PLD5: variants seen among roughly 807,000 people sequenced by gnomAD.
PLD5 encodes phospholipase D family member 5.
In PLD5, 36 loss-of-function variants were observed where a neutral mutation model predicts 61.1. That is an observed-to-expected ratio of 0.59 (90% confidence interval 0.45 to 0.78). The LOEUF is 0.78. Among genes scored for constraint, PLD5 ranks in the 30% least tolerant of loss-of-function variants. The pLI, the probability that PLD5 is intolerant of heterozygous loss-of-function variation, is 0.00. For synonymous variants in PLD5, 243 were observed against 242.8 expected, an observed-to-expected ratio of 1.00 and a Z score of -0.01; for missense variants, 515 against 644.4, an observed-to-expected ratio of 0.80 and a Z score of 2.17.
At chr1:242,506,018 T>C (rs989736485) in intron 1 of PLD5, among the ~76,000 whole-genome samples, 3 of 152,212 alleles carry the variant, frequency 2.0e-5, no homozygotes, top group Non-Finnish European at 4.4e-5. Flanking sequence ...TCTTAAAAAC[T>C]TATGAGAAAT....
At chr1:242,242,330 C>T (rs1289899904) in intron 4 of PLD5, among the ~76,000 whole-genome samples, 1 of 152,154 alleles carries the variant, frequency 6.6e-6, no homozygotes, top group Non-Finnish European at 1.5e-5. Context: ...CCCCTATTTT[C>T]CAGCCTGTCT....
chr1:242,221,877 G>A (rs1031768521), intron 4 of PLD5, among the ~76,000 whole-genome samples: 9 of 152,120 alleles, frequency 5.9e-5, no homozygotes, highest in South Asian at 2.1e-4. Context: ...CCTTAGATAC[G>A]GGATTAGTTC....
chr1:242,390,991 G>C (rs7555941), intron 1 of PLD5, among the ~76,000 whole-genome samples: 33,141 of 151,892 alleles, frequency 0.22, 3,806 homozygotes, highest in African/African-American at 0.29. Flanking sequence ...AGGAGATGGA[G>C]ACCATCTGGC....
At chr1:242,102,715 G>A (rs1660776357) in intron 8 of PLD5, among the ~76,000 whole-genome samples, 1 of 152,194 alleles carries the variant, frequency 6.6e-6, no homozygotes, top group Admixed American at 6.5e-5. Flanking sequence ...TTTCTTGTAA[G>A]AGTTTATCAC....
intron 1 of PLD5, among the ~76,000 whole-genome samples, chr1:242,364,559 A>G (rs1424919365): frequency 6.6e-6 from 1 of 152,098 alleles, no homozygotes; most frequent in Admixed American, 6.6e-5. Flanking sequence ...TCTATTAAAA[A>G]TACAAAATTA....
At chr1:242,527,120 T>C (rs1002233655), upstream of PLD5, among the ~76,000 whole-genome samples, 1 of 17,068 alleles carries the variant, frequency 5.9e-5, no homozygotes, top group African/African-American at 1.7e-4. Context: ...CCTTCTTTTT[T>C]TTTTTTTTTT....
chr1:242,094,576 T>G (rs1232408757), intron 9 of PLD5, among the ~76,000 whole-genome samples: 1 of 152,212 alleles, frequency 6.6e-6, no homozygotes, highest in Non-Finnish European at 1.5e-5. Context: ...CTTCTAGGGT[T>G]GAGTATTTTT....
chr1:242,411,332 T>C (rs948544801), intron 1 of PLD5, among the ~76,000 whole-genome samples: 1 of 152,082 alleles, frequency 6.6e-6, no homozygotes, highest in Non-Finnish European at 1.5e-5. Context: ...GCCTCCCGGG[T>C]TCACGCCATT....
At chr1:242,404,836 G>A (rs991341156) in intron 1 of PLD5, among the ~76,000 whole-genome samples, 3 of 144,864 alleles carry the variant, frequency 2.1e-5, no homozygotes, top group African/African-American at 7.9e-5. Flanking sequence ...TATTGCAATT[G>A]CTCTATGTGG....
At chr1:242,502,931 C>T (rs1167150688) in intron 1 of PLD5, among the ~76,000 whole-genome samples, 1 of 152,068 alleles carries the variant, frequency 6.6e-6, no homozygotes, top group Admixed American at 6.6e-5. Flanking sequence ...CGTGGTGGCA[C>T]ACACCTGTGA....
intron 1 of PLD5, among the ~76,000 whole-genome samples, chr1:242,417,774 G>T (rs928600391): frequency 1.3e-5 from 2 of 152,166 alleles, no homozygotes; most frequent in African/African-American, 4.8e-5. Context: ...AGGCCAGTAC[G>T]GGGGATGGTG....
intron 1 of PLD5, among the ~76,000 whole-genome samples, chr1:242,413,042 A>G (rs1343345136): frequency 6.6e-6 from 1 of 151,930 alleles, no homozygotes; most frequent in Non-Finnish European, 1.5e-5. Context: ...GGGTTTCTGA[A>G]CTGTCGTTTT....
chr1:242,304,211 A>G (rs1462065174), intron 2 of PLD5, among the ~76,000 whole-genome samples: 1 of 152,210 alleles, frequency 6.6e-6, no homozygotes, highest in Admixed American at 6.5e-5. Context: ...GATGTTCAAA[A>G]GCATAAGTGT....
chr1:242,382,421 A>G (rs1254772781), intron 1 of PLD5, among the ~76,000 whole-genome samples: 1 of 152,182 alleles, frequency 6.6e-6, no homozygotes, highest in African/African-American at 2.4e-5. Flanking sequence ...GGATGTGCCA[A>G]GAACAGAAAG....
intron 6 of PLD5, among the ~76,000 whole-genome samples, chr1:242,124,008 C>T (rs1662586447): frequency 6.6e-6 from 1 of 152,200 alleles, no homozygotes; most frequent in South Asian, 2.1e-4. Context: ...GATCTATACA[C>T]TGAGATTCCC....
At chr1:242,343,861 G>A (rs1208549685) in intron 2 of PLD5, among the ~76,000 whole-genome samples, 1 of 152,096 alleles carries the variant, frequency 6.6e-6, no homozygotes, top group African/African-American at 2.4e-5. Flanking sequence ...GCAAATAGAT[G>A]GGAGGAAAAT....
intron 4 of PLD5, among the ~76,000 whole-genome samples, chr1:242,241,626 A>G (rs393248): frequency 0.98 from 148,196 of 151,942 alleles, 72,389 homozygotes; most frequent in East Asian, 1. Context: ...GTGGAATCAA[A>G]CTTTCTGAGA....
At chr1:242,503,830 A>G (rs1668635606) in intron 1 of PLD5, among the ~76,000 whole-genome samples, 1 of 152,158 alleles carries the variant, frequency 6.6e-6, no homozygotes, top group Non-Finnish European at 1.5e-5. Flanking sequence ...TGGCATTTTA[A>G]CACCTGAAAC....
chr1:242,388,511 G>T (rs1662729460), intron 1 of PLD5, among the ~76,000 whole-genome samples: 1 of 152,098 alleles, frequency 6.6e-6, no homozygotes, highest in South Asian at 2.1e-4. Flanking sequence ...AGGGAGTGGT[G>T]GATATTTTTT....
Sources: gnomAD v4.1 joint callset for allele counts (sites outside exome capture counted in the v4.1 genomes callset) on GRCh38, gnomAD v4.1.1 for gene constraint, MANE v1.5 for transcripts, NCBI Gene and HGNC (gene_info 2026-07-23, HGNC 2026-07-21) for gene names.